DPYD: variants seen among roughly 807,000 people sequenced by gnomAD.
DPYD encodes the protein dihydropyrimidine dehydrogenase, also known as dihydropyrimidine dehydrogenase [NADP(+)].
A neutral mutation model predicts 116.2 loss-of-function variants in DPYD; 109 were observed. The ratio of observed to expected loss-of-function variants is 0.94; its 90% CI spans 0.80 to 1.10. The LOEUF is 1.10. DPYD is among the 50% of genes least tolerant of loss of function. The pLI, the probability that DPYD is intolerant of heterozygous loss-of-function variation, is 0.00. For synonymous variants in DPYD, 440 were observed against 432.0 expected (o/e 1.02, Z -0.23); for missense variants, 1,302 against 1,254.5 (o/e 1.04, Z -0.57).
chr1:97,743,774 C>G (rs1193153452), intron 3 of DPYD, among the ~76,000 whole-genome samples: 1 of 152,054 alleles, frequency 6.6e-6, no homozygotes, highest in Non-Finnish European at 1.5e-5. Context: ...ATAAATTTCT[C>G]CTTAAAAGTA....
chr1:97,831,933 C>T (rs1467891892), intron 2 of DPYD, among the ~76,000 whole-genome samples: 2 of 151,846 alleles, frequency 1.3e-5, no homozygotes, highest in Non-Finnish European at 2.9e-5. Flanking sequence ...CCAGACATGC[C>T]ATGTAATATA....
At chr1:97,513,551 A>T (rs1647967129) in intron 13 of DPYD, among the ~76,000 whole-genome samples, 1 of 151,940 alleles carries the variant, frequency 6.6e-6, no homozygotes, top group Non-Finnish European at 1.5e-5. Flanking sequence ...TCAAATGTCA[A>T]GATTCTGAAT....
intron 8 of DPYD, among the ~76,000 whole-genome samples, chr1:97,647,867 A>G (rs548582875): frequency 2.6e-5 from 4 of 152,152 alleles, no homozygotes; most frequent in Admixed American, 2.6e-4. Flanking sequence ...CTAACTGCAG[A>G]GTCTCTTCTA....
chr1:97,278,231 G>A (rs1010288149), intron 18 of DPYD, among the ~76,000 whole-genome samples: 1 of 152,194 alleles, frequency 6.6e-6, no homozygotes, highest in Non-Finnish European at 1.5e-5. Flanking sequence ...TACCAGAAAT[G>A]TTAGTGAAAG....
At chr1:97,440,896 G>A (rs1205728587) in intron 14 of DPYD, among the ~76,000 whole-genome samples, 1 of 151,942 alleles carries the variant, frequency 6.6e-6, no homozygotes, top group African/African-American at 2.4e-5. Context: ...TCCTTTTATT[G>A]TGCTTGAAAA....
At chr1:97,543,452 G>A (rs1014520653) in intron 12 of DPYD, among the ~76,000 whole-genome samples, 2 of 152,130 alleles carry the variant, frequency 1.3e-5, no homozygotes, top group African/African-American at 4.8e-5. Flanking sequence ...ACATTTATCT[G>A]AAAATGCATA....
In DPYD at chr1:97,546,799, G is replaced by A. The variant is rs749655643; in HGVS notation, c.1524+2761C>T. 709 of 1,612,842 alleles carry A rather than the reference G, an allele frequency of 4.4e-4. 1 individual carries two copies. The highest frequency in any genetic ancestry group is 5.7e-4 in the Non-Finnish European group (676 of 1,179,822). ...GAGATCAGACTCCTATATGGGTTTGGATCAGATTAAACCATTGAAGTTGGA... is the reference window on the plus strand; with the variant it reads ...GAGATCAGACTCCTATATGGGTTTGAATCAGATTAAACCATTGAAGTTGGA... On this transcript the variant is annotated intron_variant, in intron 12 of 22. Transcript: ENST00000370192.
At chr1:97,480,028 T>C (rs991067522) in intron 13 of DPYD, among the ~76,000 whole-genome samples, 1 of 152,196 alleles carries the variant, frequency 6.6e-6, no homozygotes, top group Non-Finnish European at 1.5e-5. Flanking sequence ...TCTTCCTGCT[T>C]TTCTTCTATT....
At chr1:97,103,948 C>A (rs1557864755) in intron 20 of DPYD, among the ~76,000 whole-genome samples, 2 of 152,112 alleles carry the variant, frequency 1.3e-5, no homozygotes, top group Admixed American at 6.6e-5. Flanking sequence ...TGCCAGAATA[C>A]CCCATCTTGT....
At chr1:97,407,710 C>T (rs1270769412) in intron 14 of DPYD, among the ~76,000 whole-genome samples, 1 of 152,170 alleles carries the variant, frequency 6.6e-6, no homozygotes, top group African/African-American at 2.4e-5. Flanking sequence ...AGTCAAGATA[C>T]ATGGGTCCAG....
intron 3 of DPYD, among the ~76,000 whole-genome samples, chr1:97,823,392 A>G (rs999665971): frequency 3.3e-5 from 5 of 151,888 alleles, no homozygotes; most frequent in South Asian, 2.1e-4. Flanking sequence ...CTGTGACAAC[A>G]CTCCAAATTT....
intron 14 of DPYD, among the ~76,000 whole-genome samples, chr1:97,423,050 C>T (rs1484966741): frequency 6.6e-6 from 1 of 151,718 alleles, no homozygotes; most frequent in Admixed American, 6.6e-5. Context: ...TGTTTAAACA[C>T]ACAGAAAAAG....
intron 14 of DPYD, among the ~76,000 whole-genome samples, chr1:97,389,499 C>T (rs1177600903): frequency 6.6e-6 from 1 of 151,864 alleles, no homozygotes; most frequent in African/African-American, 2.4e-5. Context: ...CTTTATATTA[C>T]TGAAAACATG....
At chr1:97,264,162 G>GTTTTTTTTTTTTTTTTTTTTTTTTTTT (rs71071641) in intron 18 of DPYD, among the ~76,000 whole-genome samples, 1 of 60,090 alleles carries the variant, frequency 1.7e-5, no homozygotes, top group Non-Finnish European at 3.5e-5. Flanking sequence ...GCAAAATTCT[G>GTTTTTTTTTTTTTTTTTTTTTTTTTTT]TTTTTTTTTT....
intron 14 of DPYD, among the ~76,000 whole-genome samples, chr1:97,433,441 G>A (rs774188262): frequency 6.6e-6 from 1 of 152,114 alleles, no homozygotes; most frequent in African/African-American, 2.4e-5. Flanking sequence ...TTTCTCCAGG[G>A]AGCAAAGCAG....
chr1:97,911,360 G>T (rs553251188), intron 1 of DPYD, among the ~76,000 whole-genome samples: 2 of 152,038 alleles, frequency 1.3e-5, no homozygotes, highest in African/African-American at 4.8e-5. Flanking sequence ...CTCTGCAAAT[G>T]TTTTTATCTC....
chr1:97,344,979 A>G (rs1669771368), intron 16 of DPYD, among the ~76,000 whole-genome samples: 3 of 151,904 alleles, frequency 2.0e-5, no homozygotes, highest in Admixed American at 2.0e-4. Context: ...CACACTCTCT[A>G]TAGCACTAAT....
intron 10 of DPYD, among the ~76,000 whole-genome samples, chr1:97,592,917 A>T (rs546930363): frequency 6.6e-6 from 1 of 152,338 alleles, no homozygotes; most frequent in African/African-American, 2.4e-5. Flanking sequence ...TATTCAGGAT[A>T]TGGAAGACTT....
chr1:97,857,809 C>A (rs945185852), intron 2 of DPYD, among the ~76,000 whole-genome samples: 2 of 152,018 alleles, frequency 1.3e-5, no homozygotes, highest in Non-Finnish European at 2.9e-5. Context: ...GTTCTGGAGA[C>A]CCGACTTGAT....
Sources: gnomAD v4.1 joint callset for allele counts (sites outside exome capture counted in the v4.1 genomes callset) on GRCh38, gnomAD v4.1.1 for gene constraint, MANE v1.5 for transcripts, NCBI Gene and HGNC (gene_info 2026-07-23, HGNC 2026-07-21) for gene names.